OCLN: variants seen among roughly 807,000 people sequenced by gnomAD.
OCLN encodes phosphatase 1, regulatory subunit 115.
In OCLN, 21 loss-of-function variants were observed where a neutral mutation model predicts 47.9. The ratio of observed to expected loss-of-function variants is 0.44; its 90% CI spans 0.31 to 0.63. OCLN has a LOEUF of 0.63. Ranked by LOEUF, OCLN falls within the 30% of genes least tolerant of loss-of-function variation. The probability of loss-of-function intolerance (pLI) is 0.08; values close to 1 mark genes in which losing one functional copy is unlikely to be tolerated. For missense variants in OCLN, 360 were observed against 571.0 expected, an observed-to-expected ratio of 0.63 and a Z score of 3.77; for synonymous variants, 117 against 198.4, an observed-to-expected ratio of 0.59 and a Z score of 3.45.
rs376581965 is a variant in OCLN at position 69,515,892 on chromosome 5, G to A, written c.891+1783G>A. ...GGGCAGAGGCGCTCCCCACATCTTA[G>A]ACGATGGGCGGCCGGGCAGAGACGC... On this transcript the variant is annotated intron_variant, in intron 4 of 8. Transcript: ENST00000396442. 8.1e-3 allele frequency among the ~76,000 whole-genome samples: 1,187 copies of A among 146,006 alleles called. 9 individuals are homozygous for A. The highest frequency in any genetic ancestry group is 0.014 in the Non-Finnish European group (913 of 66,214).
At chr5:69,503,836 G>A (rs1412795388) in intron 1 of OCLN, among the ~76,000 whole-genome samples, 3 of 152,190 alleles carry the variant, frequency 2.0e-5, no homozygotes, top group Non-Finnish European at 4.4e-5. Context: ...TGAGGAGCTA[G>A]TATGTGCTAG....
rs1358578029 is a variant in OCLN, at chr5:69,493,315, C to T, written c.-69+415C>T. Among the ~76,000 whole-genome samples, 5 of 151,880 alleles carry T rather than the reference C, an allele frequency of 3.3e-5. No homozygotes were observed. Among genetic ancestry groups the T allele is most frequent in the Admixed American group, 2.6e-4 (4 of 15,262 alleles). ...ATCCTGCGCCCAGCTCCTTGGGGGT[C>T]CTAAGCCTGAGGCTGCAGCGAGGCG... On this transcript the variant is annotated intron_variant, in intron 1 of 8. Coordinates refer to ENST00000396442, the MANE Select transcript of OCLN (RefSeq NM_001205254.2). This position sits in a 1 kb window ranked among gnomAD's most constrained non-coding sequence, Gnocchi z 5.3.
chr5:69,502,060 G>T (rs374620192), intron 1 of OCLN, among the ~76,000 whole-genome samples: 4 of 152,052 alleles, frequency 2.6e-5, no homozygotes, highest in Admixed American at 6.6e-5. Context: ...TTAGCCGGGC[G>T]TGGCAGCGTG....
intron 4 of OCLN, among the ~76,000 whole-genome samples, chr5:69,529,967 C>T (rs1769385583): frequency 6.6e-6 from 1 of 152,100 alleles, no homozygotes; most frequent in African/African-American, 2.4e-5. Context: ...TTAGAGATAT[C>T]CTCAAGTTAC....
chr5:69,553,759 G>A lies in OCLN; in HGVS notation c.*88G>A, dbSNP rs565268829. 4.6e-5 allele frequency: 73 copies of A among 1,586,988 alleles called. No homozygotes were observed. Among genetic ancestry groups the A allele is most frequent in the Admixed American group, 4.5e-4 (26 of 58,034 alleles). On this transcript the variant is annotated 3_prime_UTR_variant, in exon 9 of 9. Coordinates refer to ENST00000396442, the MANE Select transcript of OCLN (RefSeq NM_001205254.2). ...GCAAATGACTTTGGACCATAACCCC[G>A]GAAGCCAAACCTCTGTGAGCATCAC...
At chr5:69,549,157 C>G (rs1388311013) in intron 7 of OCLN, among the ~76,000 whole-genome samples, 1 of 107,366 alleles carries the variant, frequency 9.3e-6, no homozygotes, top group Non-Finnish European at 1.9e-5. Flanking sequence ...AGTGAAACCC[C>G]GTCTCTACTA....
chr5:69,496,040 T>G (rs1768278397), intron 1 of OCLN, among the ~76,000 whole-genome samples: 2 of 152,348 alleles, frequency 1.3e-5, no homozygotes, highest in East Asian at 3.8e-4. Context: ...CTTCAAATTT[T>G]TAGACAATTT....
At chr5:69,506,186 T>G (rs1768595304) in intron 2 of OCLN, among the ~76,000 whole-genome samples, 1 of 152,226 alleles carries the variant, frequency 6.6e-6, no homozygotes, top group Non-Finnish European at 1.5e-5. Context: ...GGTGCATGCC[T>G]GTTATCCCAG....
At chr5:69,535,854 G>C (rs980412521) in intron 5 of OCLN, among the ~76,000 whole-genome samples, 10 of 152,222 alleles carry the variant, frequency 6.6e-5, no homozygotes, top group African/African-American at 2.4e-4. Flanking sequence ...GGCGGGGGCG[G>C]TGGCTCACGC....
intron 4 of OCLN, among the ~76,000 whole-genome samples, chr5:69,516,490 A>G (rs997472631): frequency 6.6e-6 from 1 of 151,930 alleles, no homozygotes; most frequent in African/African-American, 2.4e-5. Context: ...GACCGTGGAA[A>G]GAGAGGGAGA....
chr5:69,518,166 G>A (rs1399725208), intron 4 of OCLN, among the ~76,000 whole-genome samples: 4 of 152,172 alleles, frequency 2.6e-5, no homozygotes, highest in Non-Finnish European at 1.5e-5. Flanking sequence ...TAAGGTGAAA[G>A]AACTACTTAG....
At chr5:69,523,773 T>G (rs760653428) in intron 4 of OCLN, among the ~76,000 whole-genome samples, 6 of 151,508 alleles carry the variant, frequency 4.0e-5, no homozygotes, top group Non-Finnish European at 5.9e-5. Context: ...TGACCTCAGG[T>G]GATCCACCCG....
intron 4 of OCLN, among the ~76,000 whole-genome samples, chr5:69,520,107 T>G (rs1769091650): frequency 6.6e-6 from 1 of 152,016 alleles, no homozygotes; most frequent in Admixed American, 6.6e-5. Flanking sequence ...TACAGGTGCC[T>G]GCCACCATGT....
intron 5 of OCLN, among the ~76,000 whole-genome samples, chr5:69,537,189 CTTTTTTTTTTT>C (rs1157355945): frequency 2.5e-5 from 2 of 80,560 alleles, no homozygotes; most frequent in African/African-American, 7.9e-5. Context: ...ATTCTATAAG[CTTTTTTTTTTT>C]TTTTTTTTTT....
At chr5:69,527,005 C>T (rs1314733475) in intron 4 of OCLN, among the ~76,000 whole-genome samples, 1 of 152,114 alleles carries the variant, frequency 6.6e-6, no homozygotes, top group Non-Finnish European at 1.5e-5. Context: ...GGGCCAGGCG[C>T]GGTGGCTCAC....
intron 4 of OCLN, among the ~76,000 whole-genome samples, chr5:69,523,635 A>G (rs1421871734): frequency 6.6e-6 from 1 of 151,788 alleles, no homozygotes; most frequent in Non-Finnish European, 1.5e-5. Flanking sequence ...TCCCGGGTTC[A>G]AGCGATTCTC....
At chr5:69,523,626 C>T (rs1166242499) in intron 4 of OCLN, among the ~76,000 whole-genome samples, 1 of 151,770 alleles carries the variant, frequency 6.6e-6, no homozygotes, top group Non-Finnish European at 1.5e-5. Context: ...ACCTCCACCT[C>T]CCGGGTTCAA....
intron 4 of OCLN, among the ~76,000 whole-genome samples, chr5:69,515,280 G>A (rs1261308746): frequency 1.8e-4 from 26 of 141,540 alleles, no homozygotes; most frequent in African/African-American, 6.9e-4. Context: ...CGGGCGGGGG[G>A]CTGACCCCCC....
intron 4 of OCLN, among the ~76,000 whole-genome samples, chr5:69,515,655 C>T (rs1403147705): frequency 1.3e-5 from 2 of 151,724 alleles, no homozygotes; most frequent in African/African-American, 4.8e-5. Flanking sequence ...CACCTCCCTC[C>T]CGGATGGGGT....
Sources: allele counts gnomAD v4.1 joint callset (sites outside exome capture counted in the v4.1 genomes callset), GRCh38; gene constraint gnomAD v4.1.1; non-coding constraint Gnocchi (gnomAD v3.1); transcripts MANE v1.5; gene names NCBI Gene and HGNC (gene_info 2026-07-23, HGNC 2026-07-21).